Variants in SDK1 observed in about 807,000 individuals in gnomAD.
The protein encoded by SDK1 is protein sidekick-1.
In SDK1, 157 loss-of-function variants were observed where a neutral mutation model predicts 245.5. The observed-to-expected ratio is 0.64, with a 90% CI of 0.56 to 0.73. The LOEUF (loss-of-function observed/expected upper bound fraction) is 0.73, where lower values mean the gene tolerates loss of function less well. Among genes scored for constraint, SDK1 ranks in the 30% least tolerant of loss-of-function variants. The pLI, the probability that SDK1 is intolerant of heterozygous loss-of-function variation, is 0.00. For missense variants in SDK1, 3,583 were observed against 3,002.3 expected (o/e 1.19, Z -4.52); for synonymous variants, 1,647 against 1,278.5 (o/e 1.29, Z -6.15).
chr7:3,382,393 C>T (rs182492643), intron 1 of SDK1, among the ~76,000 whole-genome samples: 1 of 152,122 alleles, frequency 6.6e-6, no homozygotes, highest in Non-Finnish European at 1.5e-5. Context: ...AGTGGTGGTG[C>T]CAGCTGCTGT....
chr7:3,753,638 C>T (rs1393452471), intron 4 of SDK1, among the ~76,000 whole-genome samples: 1 of 152,088 alleles, frequency 6.6e-6, no homozygotes, highest in Admixed American at 6.5e-5. Flanking sequence ...CACGTTCTCC[C>T]GACAATTCTG....
chr7:3,417,331 C>T (rs1290037769), intron 1 of SDK1, among the ~76,000 whole-genome samples: 1 of 152,206 alleles, frequency 6.6e-6, no homozygotes, highest in East Asian at 1.9e-4. Context: ...CCAGCCAGTT[C>T]CCCGACTCTT....
At chr7:3,418,138 TAAAAATGAAAAAAAA>T (rs1489015805) in intron 1 of SDK1, among the ~76,000 whole-genome samples, 3 of 42,814 alleles carry the variant, frequency 7.0e-5, no homozygotes, top group African/African-American at 6.4e-4. Context: ...CGATCTCTAC[TAAAAATGAAAAAAAA>T]AAAAAAAAAA....
intron 4 of SDK1, among the ~76,000 whole-genome samples, chr7:3,795,282 T>C (rs1034696827): frequency 6.6e-6 from 1 of 151,998 alleles, no homozygotes; most frequent in African/African-American, 2.4e-5. Flanking sequence ...CTTAGAGGCA[T>C]GTTGGATAGG....
At position 4,115,635 on chromosome 7, in the gene SDK1, A is replaced by T. The variant is rs116597564; in HGVS notation, c.3823+1361A>T. On this transcript the variant is annotated intron_variant, in intron 25 of 44. Coordinates refer to ENST00000404826, the MANE Select transcript of SDK1 (RefSeq NM_152744.4). ...TTTCCTTGGGGCTCCCAGGGCACAG[A>T]ATCGCTCTTGAAGCTGGGGAGTCAA... Among the ~76,000 whole-genome samples, 202 of 152,244 alleles carry T rather than the reference A, an allele frequency of 1.3e-3. 1 individual carries two copies. Among genetic ancestry groups the T allele is most frequent in the African/African-American group, 4.5e-3 (188 of 41,554 alleles).
intron 1 of SDK1, among the ~76,000 whole-genome samples, chr7:3,492,573 A>C (rs1404357732): frequency 6.6e-6 from 1 of 152,252 alleles, no homozygotes; most frequent in African/African-American, 2.4e-5. Flanking sequence ...AAGAGTGGAC[A>C]GCAGTGGCGG....
intron 17 of SDK1, among the ~76,000 whole-genome samples, chr7:4,029,315 A>G (rs1047106760): frequency 6.8e-6 from 1 of 147,800 alleles, no homozygotes; most frequent in Non-Finnish European, 1.5e-5. Flanking sequence ...GGGTAAAGCA[A>G]TTCTTGTGCC....
At chr7:4,084,113 G>A (rs1284458736) in intron 22 of SDK1, among the ~76,000 whole-genome samples, 1 of 152,168 alleles carries the variant, frequency 6.6e-6, no homozygotes, top group Non-Finnish European at 1.5e-5. Flanking sequence ...ACTCTAAAAA[G>A]AAGCATCTCT....
chr7:3,763,104 C>A (rs1403026951), intron 4 of SDK1, among the ~76,000 whole-genome samples: 1 of 152,140 alleles, frequency 6.6e-6, no homozygotes, highest in Non-Finnish European at 1.5e-5. Flanking sequence ...AAATAAGCCT[C>A]CTTATTCCTG....
chr7:4,097,938 G>A (rs1309726928), intron 22 of SDK1, among the ~76,000 whole-genome samples: 1 of 151,948 alleles, frequency 6.6e-6, no homozygotes, highest in Non-Finnish European at 1.5e-5. Flanking sequence ...TGGTAAATTT[G>A]CCGAAACGGG....
At chr7:3,994,708 A>G (rs1293907525) in intron 14 of SDK1, among the ~76,000 whole-genome samples, 3 of 152,066 alleles carry the variant, frequency 2.0e-5, no homozygotes, top group African/African-American at 4.8e-5. Context: ...ATTCTCTCCA[A>G]CAAATCAATC....
At chr7:4,027,324 T>C (rs547350971) in intron 17 of SDK1, among the ~76,000 whole-genome samples, 1 of 152,354 alleles carries the variant, frequency 6.6e-6, no homozygotes, top group Non-Finnish European at 1.5e-5. Context: ...CATGTTAGAA[T>C]ATCGGCAAGT....
At chr7:4,106,621 G>A (rs937604932) in intron 22 of SDK1, among the ~76,000 whole-genome samples, 5 of 152,178 alleles carry the variant, frequency 3.3e-5, no homozygotes, top group Non-Finnish European at 7.4e-5. Context: ...CCGTGCAGTG[G>A]TTTCCCAGCA....
rs112787885 is a variant in SDK1 at position 3,407,781 on chromosome 7, C to A, written c.298+105897C>A. Among the ~76,000 whole-genome samples, 595 of 152,260 alleles carry A rather than the reference C, an allele frequency of 3.9e-3. 2 individuals carry two copies. Among genetic ancestry groups the A allele is most frequent in the Middle Eastern group, 6.8e-3 (2 of 294 alleles). On this transcript the variant is annotated intron_variant, in intron 1 of 44. Coordinates refer to ENST00000404826, the MANE Select transcript of SDK1 (RefSeq NM_152744.4). The stretch of plus-strand genomic sequence containing the variant: ...TATACAAGGATAACTAAGAATTTGT[C>A]CTTCTCCTCAAGGAGTTCCCACTTT...
At chr7:3,969,164 G>T in intron 10 of SDK1, 93 bp from the exon 11 acceptor site, 1 of 1,207,480 alleles carries the variant, frequency 8.3e-7, no homozygotes, top group South Asian at 1.9e-5. Flanking sequence ...ACACGGAGCC[G>T]AACCATATTA....
chr7:4,161,757 C>A, intron 31 of SDK1, 29 bp from the exon 32 acceptor site: 3 of 1,598,280 alleles, frequency 1.9e-6, no homozygotes, highest in South Asian at 1.1e-5. Flanking sequence ...ACCACCCTGA[C>A]CCCCGCTTTC....
At chr7:4,030,718 C>A (rs1004109052) in intron 17 of SDK1, among the ~76,000 whole-genome samples, 1 of 152,202 alleles carries the variant, frequency 6.6e-6, no homozygotes, top group African/African-American at 2.4e-5. Flanking sequence ...GTATGTATTC[C>A]AGCTTGCGTC....
At chr7:3,906,026 A>G (rs1423853245) in intron 5 of SDK1, among the ~76,000 whole-genome samples, 3 of 151,644 alleles carry the variant, frequency 2.0e-5, no homozygotes, top group East Asian at 1.9e-4. Flanking sequence ...GCATCTTCTC[A>G]TTTTGCCTTA....
At position 3,686,215 on chromosome 7, in the gene SDK1, A is replaced by G. The variant is rs1583306631; in HGVS notation, c.713+44110A>G. Among the ~76,000 whole-genome samples the G allele has an allele frequency of 5.9e-5, 9 of 152,258 alleles. 2 individuals are homozygous for G. In the South Asian group the frequency reaches 1.9e-3, roughly 32 times the overall value. On this transcript the variant is annotated intron_variant, in intron 4 of 44. Coordinates refer to ENST00000404826, the MANE Select transcript of SDK1 (RefSeq NM_152744.4). The stretch of plus-strand genomic sequence containing the variant: ...CTCAGCCTCCCGAGTAGCTGGGATT[A>G]CAGGCATCTGCCACCATTCCCAGCT...
Sources: gnomAD v4.1 joint callset for allele counts (sites outside exome capture counted in the v4.1 genomes callset) on GRCh38, gnomAD v4.1.1 for gene constraint, MANE v1.5 for transcripts, NCBI Gene and HGNC (gene_info 2026-07-23, HGNC 2026-07-21) for gene names.